Variants in DEPTOR observed in about 807,000 individuals in gnomAD.
The protein encoded by DEPTOR is DEP domain-containing mTOR-interacting protein.
In DEPTOR, 41 loss-of-function variants were observed where a neutral mutation model predicts 41.6. The observed-to-expected ratio is 0.98, with a 90% CI of 0.77 to 1.28. The LOEUF (loss-of-function observed/expected upper bound fraction) is 1.28, where lower values mean the gene tolerates loss of function less well. Ranked by LOEUF, DEPTOR falls within the 50% of genes most tolerant of loss-of-function variation. The pLI, the probability that DEPTOR is intolerant of heterozygous loss-of-function variation, is 0.00. For synonymous variants in DEPTOR, 195 were observed against 192.3 expected (o/e 1.01, Z -0.12); for missense variants, 514 against 527.9 (o/e 0.97, Z 0.26).
At chr8:120,008,527 C>A (rs1275325659) in intron 7 of DEPTOR, among the ~76,000 whole-genome samples, 1,422 of 98,968 alleles carry the variant, frequency 0.014, no homozygotes, top group African/African-American at 0.021. Flanking sequence ...GACTCTGTCT[C>A]AAAAAAAAAA....
chr8:119,997,855 C>A (rs902426076), intron 4 of DEPTOR, among the ~76,000 whole-genome samples: 1 of 152,108 alleles, frequency 6.6e-6, no homozygotes, highest in Non-Finnish European at 1.5e-5. Context: ...ACTGTTGAAC[C>A]AGTTAGCATG....
At chr8:119,953,200 T>C (rs1162244159) in intron 3 of DEPTOR, among the ~76,000 whole-genome samples, 4 of 152,176 alleles carry the variant, frequency 2.6e-5, no homozygotes, top group Non-Finnish European at 4.4e-5. Flanking sequence ...TTATGTGACA[T>C]AGGAACCTTT....
intron 4 of DEPTOR, among the ~76,000 whole-genome samples, chr8:119,994,059 C>T (rs765257963): frequency 3.3e-5 from 5 of 150,992 alleles, no homozygotes; most frequent in Non-Finnish European, 5.9e-5. Flanking sequence ...GGGAGGCTGA[C>T]GCAGGAGGTG....
In DEPTOR at chr8:120,006,840, A is replaced by T; in HGVS notation, c.961A>T (p.Thr321Ser). The change falls in exon 7 of 9, where the codon ACT (threonine) becomes TCT (serine). Residue 321 changes from threonine to serine, a missense_variant. Physicochemically the swap from Thr to Ser is moderately conservative, Grantham distance 58 (BLOSUM62 1). Coordinates refer to ENST00000286234, the MANE Select transcript of DEPTOR (RefSeq NM_022783.4). ...ACCTGTCACCTCTGAGGAACTCCTT[A>T]CTCCCGGGGCTCCGTATGCAAGGAA... ...KRPVTSEELL[T>S]PGAPYARKTF... is the part of the protein sequence containing the mutation. 1 of 1,613,904 alleles carries T rather than the reference A, an allele frequency of 6.2e-7. No individual in the cohort carries two copies. Among genetic ancestry groups the T allele is most frequent in the Non-Finnish European group, 8.5e-7 (1 of 1,179,992 alleles).
intron 1 of DEPTOR, 106 bp downstream of exon 1, chr8:119,874,074 G>A: frequency 6.4e-7 from 1 of 1,559,084 alleles, no homozygotes; most frequent in Non-Finnish European, 8.7e-7. Context: ...CGACTCGCGT[G>A]GGGCGCCGGA....
chr8:119,921,760 G>GTT (rs1563966294), intron 1 of DEPTOR, among the ~76,000 whole-genome samples: 1 of 128,524 alleles, frequency 7.8e-6, no homozygotes, highest in African/African-American at 3.5e-5. Context: ...TTTTTTTTTT[G>GTT]TTTGTTTGTT....
intron 3 of DEPTOR, among the ~76,000 whole-genome samples, chr8:119,932,643 A>ACTTCATG (rs1828059868): frequency 2.6e-5 from 4 of 152,208 alleles, no homozygotes; most frequent in Non-Finnish European, 5.9e-5. Flanking sequence ...GCCTGTAGCA[A>ACTTCATG]AGCCCCTGCC....
At chr8:119,982,365 A>G (rs1321157080) in intron 4 of DEPTOR, among the ~76,000 whole-genome samples, 1 of 152,170 alleles carries the variant, frequency 6.6e-6, no homozygotes, top group Admixed American at 6.6e-5. Context: ...TGAGTCAAGC[A>G]TAGTTTCTTA....
intron 1 of DEPTOR, 87 bp downstream of exon 1, chr8:119,874,055 C>T: frequency 7.0e-6 from 11 of 1,573,148 alleles, no homozygotes; most frequent in Non-Finnish European, 8.6e-6. Context: ...CTCCCTGGCT[C>T]GTGGCTTGCG....
At chr8:119,962,316 C>T (rs923884856) in intron 3 of DEPTOR, among the ~76,000 whole-genome samples, 1 of 151,986 alleles carries the variant, frequency 6.6e-6, no homozygotes, top group Non-Finnish European at 1.5e-5. Context: ...TGGACTCAAC[C>T]TTCTTGGAGC....
chr8:120,021,411 A>C (rs1812712598), intron 8 of DEPTOR, among the ~76,000 whole-genome samples: 1 of 152,178 alleles, frequency 6.6e-6, no homozygotes, highest in African/African-American at 2.4e-5. Flanking sequence ...CTCAAAAATA[A>C]ATAAATAAAA....
At chr8:120,015,512 T>A (rs1369147552) in intron 8 of DEPTOR, among the ~76,000 whole-genome samples, 1 of 152,202 alleles carries the variant, frequency 6.6e-6, no homozygotes, top group African/African-American at 2.4e-5. Context: ...GGTTTGCAGT[T>A]GGTCATCTTG....
chr8:119,967,597 A>G (rs977513236), intron 4 of DEPTOR, among the ~76,000 whole-genome samples: 1 of 151,618 alleles, frequency 6.6e-6, no homozygotes, highest in African/African-American at 2.4e-5. Context: ...TACTAAAAAT[A>G]CAAAACATTA....
intron 8 of DEPTOR, among the ~76,000 whole-genome samples, chr8:120,027,081 G>A (rs868756540): frequency 2.4e-4 from 36 of 151,792 alleles, no homozygotes; most frequent in Admixed American, 3.3e-4. Flanking sequence ...AGTGGGGTGT[G>A]GTGATGCATG....
rs771271740 is a variant in DEPTOR at position 120,026,394 on chromosome 8, G to A, written c.1101+17261G>A. Among the ~76,000 whole-genome samples, 142 of 151,898 alleles carry A rather than the reference G, an allele frequency of 9.3e-4. 1 individual carries two copies. The highest frequency in any genetic ancestry group is 2.2e-3 in the Admixed American group (33 of 15,230). On this transcript the variant is annotated intron_variant, in intron 8 of 8. Coordinates refer to ENST00000286234, the MANE Select transcript of DEPTOR (RefSeq NM_022783.4). ...TTTTGCTCTTATCACCCAGGCTGGA[G>A]TGCAATAGTGTGATCTCGGCTTACT...
intron 1 of DEPTOR, among the ~76,000 whole-genome samples, chr8:119,922,454 A>G (rs988717286): frequency 6.6e-6 from 1 of 152,122 alleles, no homozygotes; most frequent in Non-Finnish European, 1.5e-5. Context: ...AATATTTTGC[A>G]TTCTGCCACT....
chr8:119,945,151 T>C (rs1425060237), intron 3 of DEPTOR, among the ~76,000 whole-genome samples: 2 of 152,172 alleles, frequency 1.3e-5, no homozygotes, highest in Admixed American at 6.6e-5. Context: ...TAAATGTTTG[T>C]TGAAGAGATG....
chr8:119,987,490 A>G (rs1466535244), intron 4 of DEPTOR, among the ~76,000 whole-genome samples: 1 of 152,194 alleles, frequency 6.6e-6, no homozygotes, highest in Non-Finnish European at 1.5e-5. Flanking sequence ...TATGTCTCCC[A>G]GTCAGGAGGC....
intron 1 of DEPTOR, among the ~76,000 whole-genome samples, chr8:119,921,228 C>T (rs545849046): frequency 6.6e-6 from 1 of 152,166 alleles, no homozygotes; most frequent in Non-Finnish European, 1.5e-5. Context: ...CCACCAGCCT[C>T]GGCCTCCCAA....
Sources: gnomAD v4.1 joint callset for allele counts (sites outside exome capture counted in the v4.1 genomes callset) on GRCh38, gnomAD v4.1.1 for gene constraint, MANE v1.5 for transcripts, NCBI Gene and HGNC (gene_info 2026-07-23, HGNC 2026-07-21) for gene names.